The following COL5A3 variants were observed in gnomAD, a reference collection of about 807,000 sequenced individuals.
COL5A3 encodes the protein collagen type V alpha 3 chain.
In COL5A3, 172 loss-of-function variants were observed where a neutral mutation model predicts 250.0. The ratio of observed to expected loss-of-function variants is 0.69; its 90% CI spans 0.61 to 0.78. COL5A3 has a LOEUF of 0.78. Among genes scored for constraint, COL5A3 ranks in the 30% least tolerant of loss-of-function variants. COL5A3 has a pLI of 0.00. For synonymous variants in COL5A3, 937 were observed against 900.4 expected, an observed-to-expected ratio of 1.04 and a Z score of -0.73; for missense variants, 2,340 against 2,334.4, an observed-to-expected ratio of 1.00 and a Z score of -0.05.
Position 9,961,406 on chromosome 19 carries a change from G to A in COL5A3, c.4852-516C>T, listed in dbSNP as rs114807947. 3.5e-3 allele frequency among the ~76,000 whole-genome samples: 538 copies of A among 151,720 alleles called. 4 individuals carry two copies. The highest frequency in any genetic ancestry group is 0.017 in the Middle Eastern group (5 of 292). The stretch of plus-strand genomic sequence containing the variant: ...AAGGGTTGGGATCTTGCTCTTTCGC[G>A]CAAGTTGGGGTGCACTGGCACAATC... On this transcript the variant is annotated intron_variant, in intron 65 of 66. Transcript: ENST00000264828.
At position 9,989,385 on chromosome 19, in the gene COL5A3, C is replaced by A. The variant is rs2287804; in HGVS notation, c.2047-19G>T. 586,492 of 1,613,330 alleles carry A rather than the reference C, an allele frequency of 0.36. 112,702 individuals carry two copies. The highest frequency in any genetic ancestry group is 0.72 in the African/African-American group (54,185 of 74,914). On this transcript the variant is annotated intron_variant, in intron 25 of 66. Coordinates refer to ENST00000264828, the MANE Select transcript of COL5A3 (RefSeq NM_015719.4). ...GGTGACCCTGGGGAAGAAACATTCT[C>A]AGTTGTCAGAGACCAAAACTTGCCA... is the stretch of plus-strand genomic sequence containing the variant.
rs2087363358 is a variant in COL5A3, at chr19:10,001,660, T to C, written c.974A>G (p.Asp325Gly). ...LNATILERSL[D>G]PDSGTELGTL... ...CCCCAGCTCGGTTCCACTGTCAGGG[T>C]CCAAGCTCCTCTGAGAACGTTAGGA... is the stretch of plus-strand genomic sequence containing the variant. The change falls in exon 8 of 67, where the codon GAC (aspartate) becomes GGC (glycine). Residue 325 changes from aspartate (D) to glycine (G), a missense_variant. Asp to Gly is a moderately conservative substitution (Grantham distance 94, BLOSUM62 -1). This residue lies in a region of COL5A3 where 1,152 missense variants were observed against 1,146.3 expected (regional missense o/e 1.00). Coordinates refer to ENST00000264828, the MANE Select transcript of COL5A3 (RefSeq NM_015719.4). The C allele has an allele frequency of 6.2e-7, 1 of 1,613,806 alleles. No individual in the cohort carries two copies. The highest frequency in any genetic ancestry group is 8.5e-7 in the Non-Finnish European group (1 of 1,179,972).
chr19:10,001,409 A>C lies in COL5A3; in HGVS notation c.1110+115T>G, dbSNP rs1191493854. 5.6e-6 allele frequency: 6 copies of C among 1,063,704 alleles called. 1 individual carries two copies. The East Asian group carries it at 1.6e-4, about 28-fold the overall frequency. 65.9% of individuals were successfully genotyped at this position (1,063,704 alleles called of 1,614,324 possible). A position where few individuals can be genotyped will look rare whatever the true frequency, so the allele number is the denominator to read the frequency against. On this transcript the variant is annotated intron_variant, in intron 8 of 66. Transcript: ENST00000264828. ...TGATCTGCCCACCTAGGTCTCCCAA[A>C]GTGTTCGGATTACAGGCGGGAGCCA...
At chr19:9,979,527 C>T (rs1302465177) in intron 37 of COL5A3, 110 bp from the exon 38 acceptor site, 20 of 1,174,936 alleles carry the variant, frequency 1.7e-5, no homozygotes, top group South Asian at 3.8e-5. Context: ...CGGTGGCTCA[C>T]GCCTGTAATC....
At chr19:9,999,744 G>A (rs867526134) in intron 8 of COL5A3, among the ~76,000 whole-genome samples, 2 of 151,964 alleles carry the variant, frequency 1.3e-5, no homozygotes, top group South Asian at 4.2e-4. Flanking sequence ...GGGATTACAG[G>A]CGTGAGCCAC....
At position 9,968,234 on chromosome 19, in the gene COL5A3, T is replaced by G. The variant is rs1454558881; in HGVS notation, c.4314+151A>C. 1 of 970,454 alleles carries G rather than the reference T, an allele frequency of 1.0e-6. No homozygotes were observed. The allele number at this position is 970,454 out of a possible 1,614,324, so 60.1% of individuals were successfully genotyped here. A position where few individuals can be genotyped will look rare whatever the true frequency, so the allele number is the denominator to read the frequency against. ...GAGACCCCAAACCCCAGACGCAGCC[T>G]CCAACTTGCCAGTTCCCAGATACAT... is the stretch of plus-strand genomic sequence containing the variant. On this transcript the variant is annotated intron_variant, in intron 59 of 66. Transcript: ENST00000264828. The surrounding 1 kb of genome is among the most constrained non-coding windows in gnomAD (Gnocchi z 4.1).
At chr19:9,982,353 G>C (rs985289150) in intron 31 of COL5A3, among the ~76,000 whole-genome samples, 1 of 151,938 alleles carries the variant, frequency 6.6e-6, no homozygotes, top group Non-Finnish European at 1.5e-5. Context: ...TGAAATGCTT[G>C]TCTCCTAGGC....
chr19:9,985,459 C>T (rs1263507005), intron 31 of COL5A3, among the ~76,000 whole-genome samples: 1 of 151,358 alleles, frequency 6.6e-6, no homozygotes, highest in Admixed American at 6.6e-5. Flanking sequence ...GGGGTTTCTC[C>T]ATGTTGGCCA....
intron 45 of COL5A3, among the ~76,000 whole-genome samples, chr19:9,975,317 T>G (rs1251100241): frequency 1.3e-5 from 2 of 152,044 alleles, no homozygotes; most frequent in Non-Finnish European, 2.9e-5. Context: ...TGACCTCAGG[T>G]GATCCACCCG....
In COL5A3 at chr19:9,996,260, G is replaced by T; in HGVS notation, c.1425C>A (p.Leu475=). The change falls in exon 14 of 67, where the codon CTC becomes CTA. Residue 475 remains leucine (L), a splice_region_variant and synonymous_variant. Coordinates refer to ENST00000264828, the MANE Select transcript of COL5A3 (RefSeq NM_015719.4). The stretch of plus-strand genomic sequence containing the variant: ...CTGGACCAGGGGGGCCTTTCATAGA[G>T]AGCTGGAAAGACAGAGGAGTCAGAG... The part of the protein sequence containing the change: ...QAQAVLQQTQ[L]SMKGPPGPVG... 1.3e-6 allele frequency: 2 copies of T among 1,568,210 alleles called. No homozygotes were observed. The highest frequency in any genetic ancestry group is 1.7e-6 in the Non-Finnish European group (2 of 1,159,806).
In COL5A3 at chr19:9,993,795, T is replaced by C. The variant is rs754814022; in HGVS notation, c.1599A>G (p.Gly533=). Reference sequence around the variant, plus strand: ...CTGGGAGGCCCCGAGCTCCATCTGCTCCAGGGCGGCCCTATGGAGAAAGTA... The same window carrying C: ...CTGGGAGGCCCCGAGCTCCATCTGCCCCAGGGCGGCCCTATGGAGAAAGTA... The part of the protein sequence containing the change: ...PGRVGKMGRP[G]ADGARGLPGD... The change falls in exon 17 of 67, where the codon GGA becomes GGG. Residue 533 remains glycine (G), a synonymous_variant. Transcript: ENST00000264828. 1.2e-6 allele frequency: 2 copies of C among 1,614,108 alleles called. No homozygotes were observed. Among genetic ancestry groups the C allele is most frequent in the East Asian group, 2.2e-5 (1 of 44,868 alleles).
At position 9,973,031 on chromosome 19, in the gene COL5A3, A is replaced by C. The variant is rs773798077; in HGVS notation, c.3667-5T>G. On this transcript the variant is annotated splice_polypyrimidine_tract_variant and splice_region_variant and intron_variant, in intron 50 of 66. Coordinates refer to ENST00000264828, the MANE Select transcript of COL5A3 (RefSeq NM_015719.4). ...ACCAATGTCTCCCTTGGGCCCCTTT[A>C]CAGAAAGAGGTCAGAGGTCAGAGTG... The C allele has an allele frequency of 6.1e-5, 97 of 1,602,000 alleles. No homozygotes were observed. The highest frequency in any genetic ancestry group is 8.2e-5 in the Non-Finnish European group (96 of 1,173,908).
At position 9,998,099 on chromosome 19, in the gene COL5A3, C is replaced by A. The variant is rs765849614; in HGVS notation, c.1158+3G>T. On this transcript the variant is annotated splice_donor_region_variant and intron_variant, in intron 9 of 66. Transcript: ENST00000264828. The stretch of plus-strand genomic sequence containing the variant: ...CAACCCCCTCACAATCCAGACCCCT[C>A]ACCTTTTCAATCACTGCGGGCTCTC... 12 of 1,614,048 alleles carry A rather than the reference C, an allele frequency of 7.4e-6. 1 individual carries two copies. In the South Asian group the frequency reaches 1.3e-4, roughly 18 times the overall value.
Position 9,966,326 on chromosome 19 carries a change from C to A in COL5A3, c.4770G>T (p.Lys1590Asn), listed in dbSNP as rs2086743991. ...TTGGGTTACTCACGATCTCAAACTTCTTGTCGGGATAGAGGCAGGTCTCTC... is the reference window on the plus strand; with the variant it reads ...TTGGGTTACTCACGATCTCAAACTTATTGTCGGGATAGAGGCAGGTCTCTC... ...AGGETCLYPD[K>N]KFEIVKLASW... Residue 1590 changes from lysine (K) to asparagine (N), a missense_variant, in exon 64 of 67, where the codon AAG becomes AAT. Transcript: ENST00000264828. 1 of 1,606,806 alleles carries A rather than the reference C, an allele frequency of 6.2e-7. No individual in the cohort carries two copies.
At chr19:10,004,845 C>G (rs1481281686) in intron 4 of COL5A3, among the ~76,000 whole-genome samples, 1 of 152,206 alleles carries the variant, frequency 6.6e-6, no homozygotes, top group Non-Finnish European at 1.5e-5. Flanking sequence ...TAACCGCCCC[C>G]ACACAATCAC....
chr19:9,996,545 C>G, intron 12 of COL5A3, 29 bp from the exon 13 acceptor site: 5 of 1,612,994 alleles, frequency 3.1e-6, no homozygotes, highest in Non-Finnish European at 4.2e-6. Context: ...TGAGGGAAGC[C>G]CCCAGGAGAG....
chr19:9,970,979 C>T lies in COL5A3; in HGVS notation c.3878G>A (p.Gly1293Glu), dbSNP rs760367301. 3 of 1,561,602 alleles carry T rather than the reference C, an allele frequency of 1.9e-6. No homozygotes were observed. The highest frequency in any genetic ancestry group is 4.0e-5 in the Admixed American group (2 of 50,530). The change falls in exon 53 of 67, where the codon GGA becomes GAA. Residue 1293 changes from glycine (G) to glutamate (E), a missense_variant. Gly to Glu is a moderately conservative substitution (Grantham distance 98). Coordinates refer to ENST00000264828, the MANE Select transcript of COL5A3 (RefSeq NM_015719.4). ...GEKGDPGDVG[G>E]PGPPGASGEP... ...ACCCTCTGTTTTCCCACTCACCGGT[C>T]CCCCAACATCACCAGGGTCTCCCTT...
chr19:10,010,211 C>G (rs8108121), intron 1 of COL5A3, 87 bp downstream of exon 1: 80,143 of 723,098 alleles, frequency 0.11, 7,266 homozygotes, highest in South Asian at 0.16. Flanking sequence ...TTCCCCTCCA[C>G]GCCCCTCCAC....
At chr19:9,997,576 C>T in intron 10 of COL5A3, 143 bp from the exon 11 acceptor site, 1 of 611,244 alleles carries the variant, frequency 1.6e-6, no homozygotes, top group Non-Finnish European at 2.9e-6. Context: ...CAATACTGAC[C>T]CCCACTCACC....
Sources: allele counts gnomAD v4.1 joint callset (sites outside exome capture counted in the v4.1 genomes callset), GRCh38; gene constraint gnomAD v4.1.1; regional missense constraint gnomAD v4.1.1; non-coding constraint Gnocchi (gnomAD v3.1); transcripts MANE v1.5; gene names NCBI Gene and HGNC (gene_info 2026-07-23, HGNC 2026-07-21).